The following TAF3 variants were observed in gnomAD, a reference collection of about 807,000 sequenced individuals.
TAF3 encodes TATA-box binding protein associated factor 3.
Under a neutral mutation model 80.6 loss-of-function variants are expected in TAF3, and 7 were observed. The observed-to-expected ratio is 0.09, with a 90% confidence interval of 0.05 to 0.16. The LOEUF (loss-of-function observed/expected upper bound fraction) is 0.16. Among genes scored for constraint, TAF3 ranks in the 10% least tolerant of loss-of-function variants. The pLI, the probability that TAF3 is intolerant of heterozygous loss-of-function variation, is 1.00. For missense variants in TAF3, 921 were observed against 1,140.2 expected (o/e 0.81, Z 2.77); for synonymous variants, 444 against 446.1 (o/e 1.00, Z 0.06).
intron 2 of TAF3, among the ~76,000 whole-genome samples, chr10:7,842,135 A>G (rs1468362350): frequency 1.5e-5 from 2 of 137,790 alleles, no homozygotes; most frequent in East Asian, 4.3e-4. Flanking sequence ...TCATTGTAGG[A>G]TATTGAATTA....
intron 2 of TAF3, among the ~76,000 whole-genome samples, chr10:7,938,197 T>C (rs761328319): frequency 9.2e-5 from 14 of 152,102 alleles, no homozygotes; most frequent in Non-Finnish European, 1.8e-4. Flanking sequence ...ATTCATGGAG[T>C]TTAAAAATCC....
intron 2 of TAF3, among the ~76,000 whole-genome samples, chr10:7,859,338 T>C (rs1837120792): frequency 1.3e-5 from 2 of 152,174 alleles, no homozygotes; most frequent in South Asian, 4.1e-4. Flanking sequence ...TGATGCCTCT[T>C]CTACATATAC....
intron 2 of TAF3, among the ~76,000 whole-genome samples, chr10:7,954,857 C>T (rs577865844): frequency 3.5e-5 from 5 of 142,456 alleles, no homozygotes; most frequent in Non-Finnish European, 6.2e-5. Flanking sequence ...TCAGAGTGCA[C>T]TCCATAGGTG....
rs765268764 is a variant in TAF3, at chr10:8,013,815, G to A, written c.2653G>A (p.Asp885Asn). The change falls in exon 6 of 7, where the codon GAC (aspartate) becomes AAC (asparagine). Residue 885 changes from aspartate (D) to asparagine (N), a missense_variant. Physicochemically the swap from Asp to Asn is conservative, Grantham distance 23. Transcript: ENST00000344293. ...DDGSPMIGCD[D>N]CDDWYHWPCV... is the part of the protein sequence containing the mutation. ...TGGGAGTCCCATGATTGGGTGTGAC[G>A]ACTGCGATGACTGGTACCACTGGTG... 3.7e-6 allele frequency: 6 copies of A among 1,613,980 alleles called. No homozygotes were observed. Among genetic ancestry groups the A allele is most frequent in the South Asian group, 1.1e-5 (1 of 91,082 alleles).
At chr10:7,872,548 C>T (rs575203463) in intron 2 of TAF3, among the ~76,000 whole-genome samples, 6 of 152,256 alleles carry the variant, frequency 3.9e-5, no homozygotes, top group Middle Eastern at 3.4e-3. Flanking sequence ...CAATGGGGAA[C>T]GTTTAAAACT....
intron 2 of TAF3, among the ~76,000 whole-genome samples, chr10:7,952,949 T>C (rs1838097153): frequency 6.6e-6 from 1 of 152,238 alleles, no homozygotes; most frequent in South Asian, 2.1e-4. Context: ...TTTAGCCTCA[T>C]TTAGTACTAG....
intron 5 of TAF3, 135 bp from the exon 6 acceptor site, chr10:8,013,596 C>A: frequency 1.6e-6 from 1 of 608,810 alleles, no homozygotes; most frequent in Non-Finnish European, 2.9e-6. Context: ...TAATGAAGTG[C>A]TGATCTACTA....
intron 2 of TAF3, among the ~76,000 whole-genome samples, chr10:7,888,608 C>G (rs1196092305): frequency 6.6e-6 from 1 of 152,060 alleles, no homozygotes; most frequent in Non-Finnish European, 1.5e-5. Context: ...TTATCCATGC[C>G]CAGTTAGGTG....
chr10:7,835,652 T>C (rs908061369), intron 2 of TAF3, among the ~76,000 whole-genome samples: 4 of 152,202 alleles, frequency 2.6e-5, no homozygotes, highest in African/African-American at 4.8e-5. Flanking sequence ...CTCCCTGTAC[T>C]GGAAGTGGTC....
At chr10:7,977,440 CT>C in intron 4 of TAF3, 117 bp downstream of exon 4, 2 of 858,912 alleles carry the variant, frequency 2.3e-6, no homozygotes, top group Non-Finnish European at 3.5e-6. Flanking sequence ...TAGGGTCAAG[CT>C]TTATTTTTAG....
intron 2 of TAF3, among the ~76,000 whole-genome samples, chr10:7,924,979 G>T (rs1205368046): frequency 6.6e-6 from 1 of 152,054 alleles, no homozygotes; most frequent in Non-Finnish European, 1.5e-5. Flanking sequence ...GTTTCATGCT[G>T]TTAAAAGTGA....
chr10:7,870,771 G>T (rs1837257753), intron 2 of TAF3, among the ~76,000 whole-genome samples: 1 of 151,996 alleles, frequency 6.6e-6, no homozygotes, highest in African/African-American at 2.4e-5. Flanking sequence ...ATTTTTCCCT[G>T]ACAGTCTCCT....
intron 6 of TAF3, 48 bp from the exon 7 acceptor site, chr10:8,014,589 T>C (rs1832085756): frequency 6.7e-7 from 1 of 1,496,146 alleles, no homozygotes; most frequent in Non-Finnish European, 9.1e-7. Context: ...GGGAGAAGAA[T>C]AGATGTCTGT....
intron 2 of TAF3, among the ~76,000 whole-genome samples, chr10:7,863,608 TAA>T (rs1230925353): frequency 3.9e-4 from 8 of 20,446 alleles, no homozygotes; most frequent in African/African-American, 6.7e-4. Flanking sequence ...AAACTCTGTC[TAA>T]AAAAAAAAAA....
chr10:7,824,825 C>A (rs1295142403), intron 2 of TAF3, among the ~76,000 whole-genome samples: 1 of 152,156 alleles, frequency 6.6e-6, no homozygotes, highest in African/African-American at 2.4e-5. Context: ...CAAAGAGAAG[C>A]CTTTCAACAG....
chr10:7,907,227 G>A (rs943594145), intron 2 of TAF3, among the ~76,000 whole-genome samples: 1 of 152,096 alleles, frequency 6.6e-6, no homozygotes, highest in Non-Finnish European at 1.5e-5. Flanking sequence ...TCAGAGCTTC[G>A]CAACACCCTC....
chr10:7,827,127 G>A (rs1301834575), intron 2 of TAF3, among the ~76,000 whole-genome samples: 1 of 152,174 alleles, frequency 6.6e-6, no homozygotes, highest in Non-Finnish European at 1.5e-5. Context: ...GCTGGCGAGT[G>A]TGCACACATA....
intron 1 of TAF3, among the ~76,000 whole-genome samples, chr10:7,819,367 G>A (rs560982193): frequency 3.3e-5 from 5 of 152,254 alleles, no homozygotes; most frequent in Admixed American, 6.5e-5. Context: ...TGCTCCGTTA[G>A]GGACACTGCC....
intron 2 of TAF3, among the ~76,000 whole-genome samples, chr10:7,922,203 A>G (rs565728917): frequency 6.6e-6 from 1 of 152,222 alleles, no homozygotes; most frequent in African/African-American, 2.4e-5. Context: ...GTCTACTTGA[A>G]TTTGTTTTTG....
Sources: gnomAD v4.1 joint callset for allele counts (sites outside exome capture counted in the v4.1 genomes callset) on GRCh38, gnomAD v4.1.1 for gene constraint, MANE v1.5 for transcripts, NCBI Gene and HGNC (gene_info 2026-07-23, HGNC 2026-07-21) for gene names.